The following OSBPL10 variants were observed in gnomAD, a reference collection of about 807,000 sequenced individuals.
OSBPL10 encodes oxysterol binding protein like 10.
A neutral mutation model predicts 81.7 loss-of-function variants in OSBPL10; 49 were observed. The observed-to-expected ratio is 0.60, with a 90% CI of 0.48 to 0.76. The LOEUF (loss-of-function observed/expected upper bound fraction) is 0.76, where lower values mean the gene tolerates loss of function less well. Ranked by LOEUF, OSBPL10 falls within the 30% of genes least tolerant of loss-of-function variation. OSBPL10 has a pLI of 0.00. For missense variants in OSBPL10, 923 were observed against 987.8 expected, an observed-to-expected ratio of 0.93 and a Z score of 0.88; for synonymous variants, 419 against 383.6, an observed-to-expected ratio of 1.09 and a Z score of -1.08.
At chr3:31,838,573 T>C (rs1275609174) in intron 3 of OSBPL10, among the ~76,000 whole-genome samples, 1 of 148,112 alleles carries the variant, frequency 6.8e-6, no homozygotes, top group African/African-American at 2.5e-5. Context: ...AAAGTGATGC[T>C]ATTAGGTGGT....
At chr3:31,981,938 T>G (rs1330505069), upstream of OSBPL10, 1 of 152,338 alleles carries the variant, frequency 6.6e-6, no homozygotes, top group South Asian at 2.1e-4. The surrounding 1 kb of genome is among the most constrained non-coding windows in gnomAD (Gnocchi z 4.5). Context: ...AGCAGGATTA[T>G]GATAAATGCT....
chr3:31,679,073 C>G (rs976300376), intron 8 of OSBPL10, among the ~76,000 whole-genome samples: 1 of 152,106 alleles, frequency 6.6e-6, no homozygotes, highest in African/African-American at 2.4e-5. Context: ...CAGCCACGCA[C>G]TCACTGCTGC....
chr3:32,010,837 C>T (rs1251764411), intron 2 of OSBPL10, among the ~76,000 whole-genome samples: 2 of 152,234 alleles, frequency 1.3e-5, no homozygotes, highest in East Asian at 3.9e-4. Flanking sequence ...TGGAGCCTCA[C>T]TCATTGCTAG....
chr3:31,798,099 A>G (rs1699283057), intron 4 of OSBPL10, among the ~76,000 whole-genome samples: 1 of 152,176 alleles, frequency 6.6e-6, no homozygotes, highest in Admixed American at 6.5e-5. Flanking sequence ...CACATTTAAC[A>G]TAGCTAGTCC....
intron 3 of OSBPL10, among the ~76,000 whole-genome samples, chr3:31,834,385 C>G (rs545274835): frequency 5.3e-5 from 8 of 152,338 alleles, no homozygotes; most frequent in Admixed American, 5.2e-4. Flanking sequence ...GTCCCTCACA[C>G]AGCCATCAGT....
At chr3:31,796,625 G>C (rs924792778) in intron 4 of OSBPL10, among the ~76,000 whole-genome samples, 3 of 152,130 alleles carry the variant, frequency 2.0e-5, no homozygotes, top group African/African-American at 7.2e-5. Flanking sequence ...TGGTGGTTGT[G>C]GGGGTGGAGG....
intron 3 of OSBPL10, among the ~76,000 whole-genome samples, chr3:31,858,092 G>T (rs1700972476): frequency 6.6e-6 from 1 of 151,422 alleles, no homozygotes; most frequent in Admixed American, 6.6e-5. Context: ...ACCTCCCTGG[G>T]CTTAAGCAAT....
At chr3:32,007,523 C>T (rs1322665770) in intron 2 of OSBPL10, among the ~76,000 whole-genome samples, 1 of 152,132 alleles carries the variant, frequency 6.6e-6, no homozygotes, top group Non-Finnish European at 1.5e-5. Context: ...TCTTCCAGCT[C>T]CTGGTGACTG....
At chr3:31,845,831 C>A (rs959992122) in intron 3 of OSBPL10, among the ~76,000 whole-genome samples, 8 of 152,190 alleles carry the variant, frequency 5.3e-5, no homozygotes, top group Non-Finnish European at 1.0e-4. Flanking sequence ...AGGGCAGGCT[C>A]TTTTCCATGA....
chr3:31,929,265 CTACTCAGGAACAAAA>C, intron 1 of OSBPL10, among the ~76,000 whole-genome samples: 1 of 152,220 alleles, frequency 6.6e-6, no homozygotes, highest in African/African-American at 2.4e-5. Context: ...ACAAGAAATT[CTACTCAGGAACAAAA>C]TAAGAACCAG....
In OSBPL10 at chr3:31,981,114, G is replaced by C. The variant is rs1304996110; in HGVS notation, c.66C>G (p.Ser22Arg). Residue 22 changes from serine to arginine, a missense_variant, in exon 1 of 12, where the codon AGC becomes AGG. Ser to Arg is a moderately radical substitution (Grantham distance 110, BLOSUM62 -1). Transcript: ENST00000396556. This position sits in a 1 kb window ranked among gnomAD's most constrained non-coding sequence, Gnocchi z 4.5. ...GGSNSSSRSS[S>R]RATSAGSSPS... The stretch of plus-strand genomic sequence containing the variant: ...GCGAGGAGCCCGCCGAGGTAGCACG[G>C]CTGCTGCTGCGGCTGCTGCTGTTGC... 6.7e-7 allele frequency: 1 copy of C among 1,493,318 alleles called. No homozygotes were observed. Among genetic ancestry groups the C allele is most frequent in the South Asian group, 1.3e-5 (1 of 79,440 alleles). The allele number at this position is 1,493,318 out of a possible 1,614,324, so 92.5% of individuals were successfully genotyped here.
rs150523381 is a variant in OSBPL10, at chr3:32,037,883, A to G, written n.298+8608T>C. On this transcript the variant is annotated intron_variant and non_coding_transcript_variant, in intron 2 of 3. Transcript: ENST00000479173. ...GGAGGAGTGAAAACAGACTTCATAT[A>G]TCCTAGGAAAGACTCTGCAACTTAA... Among the ~76,000 whole-genome samples, 1,089 of 152,304 alleles carry G rather than the reference A, an allele frequency of 7.2e-3. 11 individuals are homozygous for G. Among genetic ancestry groups the G allele is most frequent in the African/African-American group, 0.025 (1,044 of 41,562 alleles).
intron 4 of OSBPL10, among the ~76,000 whole-genome samples, chr3:31,794,233 C>T (rs1452270763): frequency 6.6e-6 from 1 of 152,222 alleles, no homozygotes; most frequent in Non-Finnish European, 1.5e-5. Context: ...TAACCTCTAC[C>T]TCCTGGGTTC....
intron 3 of OSBPL10, among the ~76,000 whole-genome samples, chr3:31,873,575 G>GTTT (rs1701383410): frequency 6.6e-6 from 1 of 152,082 alleles, no homozygotes; most frequent in Non-Finnish European, 1.5e-5. Flanking sequence ...GGAACACAAT[G>GTTT]TTATTTTTTT....
At chr3:32,032,493 T>G (rs982054859) in intron 2 of OSBPL10, among the ~76,000 whole-genome samples, 1 of 152,058 alleles carries the variant, frequency 6.6e-6, no homozygotes, top group African/African-American at 2.4e-5. Context: ...ATAAAATCTA[T>G]GGCAATCTAT....
intron 6 of OSBPL10, among the ~76,000 whole-genome samples, chr3:31,711,533 G>C (rs767040717): frequency 1.3e-5 from 2 of 152,168 alleles, no homozygotes; most frequent in African/African-American, 4.8e-5. Context: ...TAAAAGGAAT[G>C]AATTTATAAA....
intron 2 of OSBPL10, among the ~76,000 whole-genome samples, chr3:32,021,168 G>A (rs577371189): frequency 6.6e-6 from 1 of 152,284 alleles, no homozygotes; most frequent in East Asian, 1.9e-4. Flanking sequence ...ATTCTGAGGT[G>A]TACTGTGGGT....
In OSBPL10 at chr3:31,661,934, T is replaced by C; in HGVS notation, c.*138A>G. On this transcript the variant is annotated 3_prime_UTR_variant, in exon 12 of 12. Coordinates refer to ENST00000396556, the MANE Select transcript of OSBPL10 (RefSeq NM_017784.5). ...GTGTGGGGGTGCACTTTTCATAGTATATAATTTCTCTCTCTCTCATCATTT... is the reference window on the plus strand; with the variant it reads ...GTGTGGGGGTGCACTTTTCATAGTACATAATTTCTCTCTCTCTCATCATTT... The C allele has an allele frequency of 7.7e-7, 1 of 1,296,090 alleles. No individual in the cohort carries two copies. Among genetic ancestry groups the C allele is most frequent in the Non-Finnish European group, 1.1e-6 (1 of 939,804 alleles). 80.3% of individuals were successfully genotyped at this position (1,296,090 alleles called of 1,614,324 possible). A position where few individuals can be genotyped will look rare whatever the true frequency, so the allele number is the denominator to read the frequency against.
chr3:31,879,425 C>G, intron 2 of OSBPL10: 1 of 497,134 alleles, frequency 2.0e-6, no homozygotes, highest in South Asian at 2.9e-5. Context: ...TTGGGAATCA[C>G]TCACCTTTCC....
Sources: gnomAD v4.1 joint callset for allele counts (sites outside exome capture counted in the v4.1 genomes callset) on GRCh38, gnomAD v4.1.1 for gene constraint, Gnocchi (gnomAD v3.1) non-coding constraint, MANE v1.5 for transcripts, NCBI Gene and HGNC (gene_info 2026-07-23, HGNC 2026-07-21) for gene names.